Variants in SPAG17 observed in about 807,000 individuals in gnomAD.
The protein encoded by SPAG17 is sperm-associated antigen 17.
Under a neutral mutation model 273.6 loss-of-function variants are expected in SPAG17, and 169 were observed. That is an observed-to-expected ratio of 0.62 (90% CI 0.55 to 0.70). The LOEUF (loss-of-function observed/expected upper bound fraction) is 0.70, where lower values mean the gene tolerates loss of function less well. SPAG17 is among the 30% of genes least tolerant of loss of function. The pLI is 0.00. For missense variants in SPAG17, 2,557 were observed against 2,627.8 expected (o/e 0.97, Z 0.59); for synonymous variants, 825 against 873.2 (o/e 0.94, Z 0.97).
chr1:118,077,845 G>A (rs1466737828), intron 15 of SPAG17, among the ~76,000 whole-genome samples: 1 of 152,138 alleles, frequency 6.6e-6, no homozygotes, highest in African/African-American at 2.4e-5. Context: ...TAAATCATTA[G>A]CTGCATCACC....
intron 42 of SPAG17, 30 bp from the exon 43 acceptor site, chr1:117,981,431 T>G (rs773014001): frequency 1.3e-6 from 2 of 1,574,874 alleles, no homozygotes; most frequent in Non-Finnish European, 1.7e-6. Flanking sequence ...CCTTATAAAG[T>G]GATATTTTGT....
chr1:118,003,459 C>T (rs1480437116), intron 32 of SPAG17, among the ~76,000 whole-genome samples: 2 of 152,232 alleles, frequency 1.3e-5, no homozygotes, highest in African/African-American at 4.8e-5. Flanking sequence ...TCAGGTCCAT[C>T]AGTCAAACAT....
intron 3 of SPAG17, among the ~76,000 whole-genome samples, chr1:118,118,517 G>A (rs1024431601): frequency 2.0e-5 from 3 of 152,192 alleles, no homozygotes; most frequent in African/African-American, 7.2e-5. Context: ...AAGTAAATGT[G>A]CTTGGCGTGA....
At chr1:118,032,676 C>A (rs1259782304) in intron 24 of SPAG17, among the ~76,000 whole-genome samples, 1 of 152,020 alleles carries the variant, frequency 6.6e-6, no homozygotes, top group Admixed American at 6.5e-5. Context: ...CTCACTGCAA[C>A]CTCCTCCCGG....
At chr1:118,101,693 T>C in intron 5 of SPAG17, 47 bp downstream of exon 5, 1 of 1,565,732 alleles carries the variant, frequency 6.4e-7, no homozygotes, top group Non-Finnish European at 8.7e-7. Context: ...TTATTGCCAC[T>C]GTGTTTCACT....
chr1:118,097,121 G>A (rs1385942001), intron 7 of SPAG17, among the ~76,000 whole-genome samples: 1 of 151,914 alleles, frequency 6.6e-6, no homozygotes, highest in Non-Finnish European at 1.5e-5. Context: ...TGTAGTCCCA[G>A]CTACATGGGA....
At chr1:118,154,102 T>G (rs1659527251) in intron 1 of SPAG17, among the ~76,000 whole-genome samples, 1 of 152,136 alleles carries the variant, frequency 6.6e-6, no homozygotes, top group Non-Finnish European at 1.5e-5. Context: ...TGAGACAGTC[T>G]GCCCAGGCGA....
intron 3 of SPAG17, among the ~76,000 whole-genome samples, chr1:118,149,944 T>C (rs1205275001): frequency 6.6e-6 from 1 of 152,178 alleles, no homozygotes; most frequent in African/African-American, 2.4e-5. Flanking sequence ...TCCTACGTCC[T>C]TTGCACAAGC....
Position 118,039,283 on chromosome 1 carries a change from G to C in SPAG17, c.3319+9C>G. On this transcript the variant is annotated intron_variant, in intron 23 of 48. Coordinates refer to ENST00000336338, the MANE Select transcript of SPAG17 (RefSeq NM_206996.4). ...GTCAGAAGAAAGAAACCACTAAACA[G>C]CAGCTTACCCGTTTCAAGACTTTGT... is the stretch of plus-strand genomic sequence containing the variant. 6.2e-7 allele frequency: 1 copy of C among 1,611,394 alleles called. No homozygotes were observed. Among genetic ancestry groups the C allele is most frequent in the Non-Finnish European group, 8.5e-7 (1 of 1,178,786 alleles).
chr1:117,988,345 A>C (rs920695891), intron 38 of SPAG17, 141 bp from the exon 39 acceptor site: 2 of 500,778 alleles, frequency 4.0e-6, no homozygotes, highest in Non-Finnish European at 6.9e-6. Flanking sequence ...TTACATGACC[A>C]AGCTGTAATA....
In SPAG17 at chr1:118,114,972, T is replaced by G. The variant is rs1010699489; in HGVS notation, c.447+338A>C. ...CCGAACTGTGAGGGTTCCCCCCAACTGTCCTTTTCATATTTAGTTTTCCCG... is the reference window on the plus strand; with the variant it reads ...CCGAACTGTGAGGGTTCCCCCCAACGGTCCTTTTCATATTTAGTTTTCCCG... On this transcript the variant is annotated intron_variant, in intron 4 of 48. Coordinates refer to ENST00000336338, the MANE Select transcript of SPAG17 (RefSeq NM_206996.4). Among the ~76,000 whole-genome samples, 3 of 152,208 alleles carry G rather than the reference T, an allele frequency of 2.0e-5. No individual in the cohort carries two copies. The South Asian group carries it at 6.2e-4, about 31-fold the overall frequency.
intron 3 of SPAG17, among the ~76,000 whole-genome samples, chr1:118,124,650 C>A (rs1361196055): frequency 6.6e-6 from 1 of 152,206 alleles, no homozygotes; most frequent in Non-Finnish European, 1.5e-5. Flanking sequence ...AGCACACACC[C>A]TGTGCTGGAC....
rs75499181 is a variant in SPAG17 at position 118,065,437 on chromosome 1, A to C, written c.2540+1308T>G. ...TGAAAAAATAAAAATAAAAAGGGAGAACATTCTCCAGTTAATTTATGAGGT... is the reference window on the plus strand; with the variant it reads ...TGAAAAAATAAAAATAAAAAGGGAGCACATTCTCCAGTTAATTTATGAGGT... On this transcript the variant is annotated intron_variant, in intron 18 of 48. Coordinates refer to ENST00000336338, the MANE Select transcript of SPAG17 (RefSeq NM_206996.4). Among the ~76,000 whole-genome samples, 646 of 152,252 alleles carry C rather than the reference A, an allele frequency of 4.2e-3. 4 individuals are homozygous for C. Among genetic ancestry groups the C allele is most frequent in the African/African-American group, 0.015 (614 of 41,582 alleles).
At chr1:117,984,111 C>G (rs1656135892) in intron 41 of SPAG17, among the ~76,000 whole-genome samples, 198 bp from the exon 42 acceptor site, 2 of 152,208 alleles carry the variant, frequency 1.3e-5, no homozygotes, top group Non-Finnish European at 2.9e-5. Context: ...GTAATTTCTT[C>G]TGAAATTTTC....
intron 17 of SPAG17, among the ~76,000 whole-genome samples, chr1:118,072,173 A>G (rs1317976060): frequency 1.3e-5 from 2 of 152,222 alleles, no homozygotes; most frequent in African/African-American, 2.4e-5. Context: ...CTGTCTTTAA[A>G]GTATTGAGAA....
At position 118,097,809 on chromosome 1, in the gene SPAG17, T is replaced by G; in HGVS notation, c.872A>C (p.Glu291Ala). ...CAAGTACTTCCAGAAAGTTTTAAGC[T>G]CTTTTATGGCATTTTCTTTCTTCAA... Reference protein sequence around the residue: ...EKLKKENAIKELKTFWKYLEP... With the variant: ...EKLKKENAIKALKTFWKYLEP... The change falls in exon 7 of 49, where the codon GAG (glutamate) becomes GCG (alanine). Residue 291 changes from glutamate (E) to alanine (A), a missense_variant. Glu to Ala is a moderately radical substitution (Grantham distance 107). Coordinates refer to ENST00000336338, the MANE Select transcript of SPAG17 (RefSeq NM_206996.4). The G allele has an allele frequency of 6.2e-7, 1 of 1,600,404 alleles. No homozygotes were observed. Among genetic ancestry groups the G allele is most frequent in the Non-Finnish European group, 8.5e-7 (1 of 1,176,068 alleles).
chr1:118,021,382 T>C (rs1318529261), intron 28 of SPAG17, among the ~76,000 whole-genome samples: 1 of 152,090 alleles, frequency 6.6e-6, no homozygotes, highest in Non-Finnish European at 1.5e-5. Context: ...AGGTCAGTGG[T>C]TCCCAGGTGT....
At chr1:118,075,032 G>C (rs1653962594) in intron 15 of SPAG17, among the ~76,000 whole-genome samples, 1 of 152,176 alleles carries the variant, frequency 6.6e-6, no homozygotes, top group Non-Finnish European at 1.5e-5. Flanking sequence ...ACAGACTAGG[G>C]TGGGGGCAGG....
In SPAG17 at chr1:118,028,314, G is replaced by A. The variant is rs201574967; in HGVS notation, c.3690C>T (p.Pro1230=). 5.6e-5 allele frequency: 90 copies of A among 1,613,630 alleles called. No homozygotes were observed. In the Admixed American group the frequency reaches 8.0e-4, roughly 14 times the overall value. The part of the protein sequence containing the change: ...PTFQSLNVSC[P]SGLLLTFIGQ... ...CAATGAAAGTCAACAGGAGCCCACT[G>A]GGGCAAGACACATTTAGGCTCTGGA... is the stretch of plus-strand genomic sequence containing the variant. The change falls in exon 26 of 49, where the codon CCC becomes CCT. Residue 1230 remains proline, a synonymous_variant. Coordinates refer to ENST00000336338, the MANE Select transcript of SPAG17 (RefSeq NM_206996.4).
Sources: gnomAD v4.1 joint callset for allele counts (sites outside exome capture counted in the v4.1 genomes callset) on GRCh38, gnomAD v4.1.1 for gene constraint, MANE v1.5 for transcripts, NCBI Gene and HGNC (gene_info 2026-07-23, HGNC 2026-07-21) for gene names.